Variants in AGO2 observed in about 807,000 individuals in gnomAD.
The protein encoded by AGO2 is argonaute RISC catalytic component 2.
AGO2 carries 5 observed loss-of-function variants against 102.3 expected under a neutral mutation model. That is an observed-to-expected ratio of 0.05 (90% CI 0.03 to 0.10). AGO2 has a LOEUF of 0.10. Ranked by LOEUF, AGO2 falls within the 10% of genes least tolerant of loss-of-function variation. The pLI is 1.00. For missense variants in AGO2, 541 were observed against 1,183.7 expected (o/e 0.46, Z 7.97); for synonymous variants, 449 against 473.1 (o/e 0.95, Z 0.66).
intron 14 of AGO2, among the ~76,000 whole-genome samples, chr8:140,542,330 T>C (rs557439955): frequency 7.9e-5 from 12 of 152,236 alleles, no homozygotes; most frequent in Non-Finnish European, 1.6e-4. Flanking sequence ...GCAATCTGCC[T>C]CCTTCTTCGT....
chr8:140,581,517 T>C (rs1456774352), intron 2 of AGO2, among the ~76,000 whole-genome samples: 1 of 151,436 alleles, frequency 6.6e-6, no homozygotes, highest in Non-Finnish European at 1.5e-5. Context: ...AGATCCTGTC[T>C]CTAAAAAAAA....
At chr8:140,559,626 G>T (rs2073162952) in intron 5 of AGO2, 97 bp from the exon 6 acceptor site, 2 of 1,512,306 alleles carry the variant, frequency 1.3e-6, no homozygotes, top group African/African-American at 2.8e-5. Context: ...GGCCAGCCAT[G>T]GTGGGGACAC....
At chr8:140,578,520 C>T (rs1002134776) in intron 2 of AGO2, among the ~76,000 whole-genome samples, 4 of 152,228 alleles carry the variant, frequency 2.6e-5, no homozygotes, top group Admixed American at 6.5e-5. Flanking sequence ...CGTTTCGAGC[C>T]GGCGCAGGCA....
intron 17 of AGO2, 190 bp from the exon 18 acceptor site, chr8:140,532,805 G>C: frequency 1.8e-6 from 1 of 568,748 alleles, no homozygotes; most frequent in African/African-American, 1.9e-5. Context: ...GTCCAGCCTG[G>C]CCAACATAGT....
intron 1 of AGO2, chr8:140,626,382 A>G (rs950067970): frequency 3.3e-5 from 5 of 152,170 alleles, no homozygotes; most frequent in Non-Finnish European, 7.3e-5. Flanking sequence ...GAGGTCAACA[A>G]AGGGGATCAA....
intron 17 of AGO2, 54 bp from the exon 18 acceptor site, chr8:140,532,669 A>G: frequency 6.5e-7 from 1 of 1,534,322 alleles, no homozygotes; most frequent in Non-Finnish European, 9.0e-7. Context: ...CTTTAAAAGG[A>G]TACTGTGGAG....
chr8:140,570,400 T>TG (rs2073359948), intron 3 of AGO2, among the ~76,000 whole-genome samples: 2 of 152,020 alleles, frequency 1.3e-5, no homozygotes, highest in Non-Finnish European at 2.9e-5. Flanking sequence ...TATTTTTTTT[T>TG]TGTATTTTTA....
chr8:140,605,291 T>C (rs572780402), intron 1 of AGO2, among the ~76,000 whole-genome samples: 147 of 152,108 alleles, frequency 9.7e-4, no homozygotes, highest in Non-Finnish European at 1.4e-3. Context: ...GAGACAGGGT[T>C]TCACCATGTT....
upstream of AGO2, among the ~76,000 whole-genome samples, chr8:140,638,646 C>T (rs1278740084): frequency 6.6e-6 from 1 of 152,230 alleles, no homozygotes; most frequent in East Asian, 1.9e-4. Context: ...GAAAACACAG[C>T]TCATTGCAGC....
At chr8:140,611,517 G>A (rs193123267) in intron 1 of AGO2, among the ~76,000 whole-genome samples, 3 of 151,940 alleles carry the variant, frequency 2.0e-5, no homozygotes, top group African/African-American at 7.2e-5. Context: ...TAGTAGAGAC[G>A]AGGTTTCACC....
At chr8:140,603,282 G>A (rs1212678546) in intron 1 of AGO2, among the ~76,000 whole-genome samples, 1 of 152,232 alleles carries the variant, frequency 6.6e-6, no homozygotes, top group Admixed American at 6.5e-5. Context: ...AGCGGAGTGC[G>A]TGGTGCCTCC....
chr8:140,572,364 G>T (rs1222985062), intron 3 of AGO2: 2 of 153,474 alleles, frequency 1.3e-5, no homozygotes, highest in African/African-American at 4.8e-5. Flanking sequence ...AGGTCTTCTT[G>T]TGGAGATGGA....
At chr8:140,625,239 G>C (rs986700421) in intron 1 of AGO2, among the ~76,000 whole-genome samples, 15 of 152,190 alleles carry the variant, frequency 9.9e-5, no homozygotes, top group African/African-American at 3.4e-4. Flanking sequence ...CTGGGTAGCT[G>C]GAATTACAGG....
intron 13 of AGO2, among the ~76,000 whole-genome samples, chr8:140,544,583 A>ACTT (rs2072863470): frequency 6.6e-6 from 1 of 152,102 alleles, no homozygotes; most frequent in Non-Finnish European, 1.5e-5. Context: ...GCTCAGGCCC[A>ACTT]GGCCCAGGAG....
At chr8:140,624,312 T>A (rs372795228) in intron 1 of AGO2, among the ~76,000 whole-genome samples, 3 of 151,586 alleles carry the variant, frequency 2.0e-5, no homozygotes, top group East Asian at 3.9e-4. Flanking sequence ...GCAGGGCGAG[T>A]CCCCATTTGT....
intron 10 of AGO2, among the ~76,000 whole-genome samples, chr8:140,552,728 A>ACGTGCGCG (rs1554702369): frequency 2.9e-4 from 36 of 124,130 alleles, no homozygotes; most frequent in African/African-American, 1.3e-3. Context: ...ACGCACATGC[A>ACGTGCGCG]CGCGCGCGCG....
chr8:140,552,853 T>C (rs1296723724), intron 10 of AGO2, among the ~76,000 whole-genome samples: 2 of 152,194 alleles, frequency 1.3e-5, no homozygotes, highest in Non-Finnish European at 2.9e-5. Flanking sequence ...GGCTGTCCTG[T>C]GCCCTGTAGG....
chr8:140,568,229 A>G (rs2073321759), intron 3 of AGO2, among the ~76,000 whole-genome samples: 1 of 144,500 alleles, frequency 6.9e-6, no homozygotes, highest in Non-Finnish European at 1.5e-5. Context: ...GGTTACAGTG[A>G]GCTGACATCG....
In AGO2 at chr8:140,627,506, T is replaced by A. The variant is rs1417105033; in HGVS notation, c.22+7979A>T. Among the ~76,000 whole-genome samples the A allele has an allele frequency of 3.9e-5, 6 of 152,210 alleles. 1 individual carries two copies. The South Asian group carries it at 1.0e-3, about 26-fold the overall frequency. The stretch of plus-strand genomic sequence containing the variant: ...AGAGCTGAAACACTCAGAAATGACG[T>A]GGAAAACAACAACATTGCCCTGAGT... On this transcript the variant is annotated intron_variant, in intron 1 of 18. Coordinates refer to ENST00000220592, the MANE Select transcript of AGO2 (RefSeq NM_012154.5).
Sources: gnomAD v4.1 joint callset for allele counts (sites outside exome capture counted in the v4.1 genomes callset) on GRCh38, gnomAD v4.1.1 for gene constraint, MANE v1.5 for transcripts, NCBI Gene and HGNC (gene_info 2026-07-23, HGNC 2026-07-21) for gene names.